The following LRRTM3 variants were observed in gnomAD, a reference collection of about 807,000 sequenced individuals.
LRRTM3 encodes leucine-rich repeat transmembrane neuronal protein 3.
In LRRTM3, 24 loss-of-function variants were observed where a neutral mutation model predicts 44.7. The observed-to-expected ratio is 0.54, with a 90% CI of 0.39 to 0.76. LRRTM3 has a LOEUF of 0.76. Ranked by LOEUF, LRRTM3 falls within the 30% of genes least tolerant of loss-of-function variation. The pLI, the probability that LRRTM3 is intolerant of heterozygous loss-of-function variation, is 0.00. For synonymous variants in LRRTM3, 277 were observed against 278.7 expected (o/e 0.99, Z 0.06); for missense variants, 587 against 702.2 (o/e 0.84, Z 1.85).
At chr10:67,020,498 A>G (rs1852938230) in intron 2 of LRRTM3, among the ~76,000 whole-genome samples, 1 of 152,142 alleles carries the variant, frequency 6.6e-6, no homozygotes, top group African/African-American at 2.4e-5. Flanking sequence ...CTAACAATTT[A>G]TCCCCTCTAT....
chr10:67,026,239 C>A (rs947798810), intron 2 of LRRTM3, among the ~76,000 whole-genome samples: 1 of 150,584 alleles, frequency 6.6e-6, no homozygotes, highest in African/African-American at 2.5e-5. Context: ...GCACATGTAC[C>A]CTAAAACTTA....
intron 2 of LRRTM3, among the ~76,000 whole-genome samples, chr10:67,077,100 C>T (rs1371617088): frequency 1.3e-5 from 2 of 152,174 alleles, no homozygotes; most frequent in Non-Finnish European, 2.9e-5. Flanking sequence ...GACCCTCTAC[C>T]TCAATCACTC....
Position 67,099,494 on chromosome 10 carries a change from T to C in LRRTM3, c.*1698T>C, listed in dbSNP as rs1426202581. 6.6e-6 allele frequency: 1 copy of C among 152,136 alleles called. No individual in the cohort carries two copies. The highest frequency in any genetic ancestry group is 6.6e-5 in the Admixed American group (1 of 15,184). 9.4% of individuals were successfully genotyped at this position (152,136 alleles called of 1,614,324 possible). A position where few individuals can be genotyped will look rare whatever the true frequency, so the allele number is the denominator to read the frequency against. ...AATAACTGAAAACAATGTCAAACTT[T>C]TAAATTTTTATCTCTTCCAAAGAAG... On this transcript the variant is annotated 3_prime_UTR_variant, in exon 3 of 3. Coordinates refer to ENST00000361320, the MANE Select transcript of LRRTM3 (RefSeq NM_178011.5).
intron 2 of LRRTM3, among the ~76,000 whole-genome samples, chr10:67,033,134 C>A (rs547960369): frequency 6.6e-6 from 1 of 151,994 alleles, no homozygotes; most frequent in Non-Finnish European, 1.5e-5. Flanking sequence ...TGAAGGAAAC[C>A]GACTGATTTT....
chr10:66,998,374 T>C (rs139166282), intron 2 of LRRTM3, among the ~76,000 whole-genome samples: 4 of 152,306 alleles, frequency 2.6e-5, no homozygotes, highest in African/African-American at 9.6e-5. Context: ...ATAGTTAATG[T>C]AAAAGCATAG....
intron 2 of LRRTM3, among the ~76,000 whole-genome samples, chr10:66,992,759 A>T (rs1026527786): frequency 3.3e-5 from 5 of 152,072 alleles, no homozygotes; most frequent in African/African-American, 1.2e-4. Flanking sequence ...ATCTAATTTT[A>T]ATTTTTCCTT....
intron 2 of LRRTM3, among the ~76,000 whole-genome samples, chr10:66,978,541 A>ATTAAAATAAAAATAAAAAAAAT (rs1437563245): frequency 1.8e-5 from 2 of 111,194 alleles, no homozygotes; most frequent in Admixed American, 1.0e-4. Context: ...AAAAAAAAAA[A>ATTAAAATAAAAATAAAAAAAAT]AAAAAAAAAA....
chr10:67,061,312 T>C (rs1381434833), intron 2 of LRRTM3, among the ~76,000 whole-genome samples: 1 of 152,208 alleles, frequency 6.6e-6, no homozygotes, highest in African/African-American at 2.4e-5. Flanking sequence ...ATCAGGTGCA[T>C]ATTGCTACAC....
At chr10:67,015,061 A>G (rs1041695291) in intron 2 of LRRTM3, among the ~76,000 whole-genome samples, 1 of 152,146 alleles carries the variant, frequency 6.6e-6, no homozygotes, top group African/African-American at 2.4e-5. Flanking sequence ...TAAAAAATGG[A>G]AAAACTTTAG....
intron 2 of LRRTM3, among the ~76,000 whole-genome samples, chr10:66,951,508 T>C (rs1353530024): frequency 1.3e-5 from 2 of 152,194 alleles, no homozygotes; most frequent in Middle Eastern, 3.2e-3. Context: ...ATCTATGAGA[T>C]AGGTACTGTT....
chr10:67,097,426 A>G (rs10822976), intron 2 of LRRTM3, among the ~76,000 whole-genome samples, 161 bp from the exon 3 acceptor site: 86,234 of 151,578 alleles, frequency 0.57, 26,321 homozygotes, highest in African/African-American at 0.81. Context: ...CTCACCATAT[A>G]GGAATAGGGG....
At chr10:66,987,238 GC>G (rs1425255193) in intron 2 of LRRTM3, among the ~76,000 whole-genome samples, 2 of 152,100 alleles carry the variant, frequency 1.3e-5, no homozygotes, top group Admixed American at 6.6e-5. Context: ...GAAACGGGTG[GC>G]CACAAAGTGG....
chr10:66,973,201 TATAA>T (rs1317744098), intron 2 of LRRTM3, among the ~76,000 whole-genome samples: 1 of 152,182 alleles, frequency 6.6e-6, no homozygotes, highest in African/African-American at 2.4e-5. Flanking sequence ...TTAAATCTCT[TATAA>T]ATATCAAAAA....
chr10:66,932,221 G>T (rs1847442673), intron 2 of LRRTM3, among the ~76,000 whole-genome samples: 1 of 152,306 alleles, frequency 6.6e-6, no homozygotes, highest in South Asian at 2.1e-4. Flanking sequence ...TCCTTCTGGG[G>T]AAGGATAATG....
intron 2 of LRRTM3, among the ~76,000 whole-genome samples, chr10:66,955,691 TA>T (rs1246088459): frequency 6.6e-6 from 1 of 152,152 alleles, no homozygotes; most frequent in Non-Finnish European, 1.5e-5. Context: ...GCCACCTATC[TA>T]GACTGTCACA....
At chr10:66,941,333 G>A (rs567491302) in intron 2 of LRRTM3, among the ~76,000 whole-genome samples, 3 of 152,250 alleles carry the variant, frequency 2.0e-5, no homozygotes, top group African/African-American at 2.4e-5. Context: ...TACATTTCTC[G>A]AGTGCATTTT....
chr10:67,012,996 ACCAG>A (rs1852437516), intron 2 of LRRTM3: 1 of 152,136 alleles, frequency 6.6e-6, no homozygotes, highest in Non-Finnish European at 1.5e-5. Context: ...AAGGCATCTT[ACCAG>A]TTCTTATGCA....
rs1034031449 is a variant in LRRTM3, at chr10:67,019,376, G to C, written c.1537-78211G>C. Among the ~76,000 whole-genome samples, 3 of 151,874 alleles carry C rather than the reference G, an allele frequency of 2.0e-5. No individual in the cohort carries two copies. In the East Asian group the frequency reaches 5.8e-4, roughly 29 times the overall value. On this transcript the variant is annotated intron_variant, in intron 2 of 2. Coordinates refer to ENST00000361320, the MANE Select transcript of LRRTM3 (RefSeq NM_178011.5). ...TGGGATTACAGGCATGTGCCACCAC[G>C]CCAGGCTAATTTTGTGTTTTTAGTA...
At position 67,035,936 on chromosome 10, in the gene LRRTM3, T is replaced by C. The variant is rs557364457; in HGVS notation, c.1537-61651T>C. 3.3e-5 allele frequency among the ~76,000 whole-genome samples: 5 copies of C among 152,232 alleles called. No homozygotes were observed. The South Asian group carries it at 8.3e-4, about 25-fold the overall frequency. On this transcript the variant is annotated intron_variant, in intron 2 of 2. Coordinates refer to ENST00000361320, the MANE Select transcript of LRRTM3 (RefSeq NM_178011.5). Reference sequence around the variant, plus strand: ...CTTTCACTTTCTCCTTTCTGAAAACTAGAACTAGACAACTTTTCTTGCTTT... The same window carrying C: ...CTTTCACTTTCTCCTTTCTGAAAACCAGAACTAGACAACTTTTCTTGCTTT...
Sources: gnomAD v4.1 joint callset for allele counts (sites outside exome capture counted in the v4.1 genomes callset) on GRCh38, gnomAD v4.1.1 for gene constraint, MANE v1.5 for transcripts, NCBI Gene and HGNC (gene_info 2026-07-23, HGNC 2026-07-21) for gene names.